The following SPHKAP variants were observed in gnomAD, a reference collection of about 807,000 sequenced individuals.
SPHKAP encodes the protein SPHK1 interactor, AKAP domain containing, also known as A-kinase anchor protein SPHKAP.
A neutral mutation model predicts 137.5 loss-of-function variants in SPHKAP; 67 were observed. The ratio of observed to expected loss-of-function variants is 0.49; its 90% CI spans 0.40 to 0.60. The LOEUF is 0.60. SPHKAP is among the 20% of genes least tolerant of loss of function. The probability of loss-of-function intolerance (pLI) is 0.00; values close to 1 mark genes in which losing one functional copy is unlikely to be tolerated. For missense variants in SPHKAP, 2,097 were observed against 2,069.3 expected (o/e 1.01, Z -0.26); for synonymous variants, 813 against 785.3 (o/e 1.04, Z -0.59).
intron 2 of SPHKAP, among the ~76,000 whole-genome samples, chr2:228,125,219 C>T (rs1221129853): frequency 2.0e-5 from 3 of 152,064 alleles, no homozygotes; most frequent in Non-Finnish European, 4.4e-5. Context: ...AAATAGCAAA[C>T]CTTCAGTCTA....
At chr2:228,124,533 C>G (rs1204836911) in intron 2 of SPHKAP, among the ~76,000 whole-genome samples, 2 of 140,166 alleles carry the variant, frequency 1.4e-5, no homozygotes. Flanking sequence ...AATTGAACAA[C>G]GAGAACACTT....
At position 228,092,112 on chromosome 2, in the gene SPHKAP, C is replaced by CGTATATGTATATATGTGT. The variant is rs1559168559; in HGVS notation, c.246+16719_246+16720insACACATATATACATATAC. ...ATGTGTGTATATATGTATATATACA[C>CGTATATGTATATATGTGT]ATATATACATATACGTATATGTGTG... On this transcript the variant is annotated intron_variant, in intron 3 of 11. Transcript: ENST00000392056. 3.7e-3 allele frequency among the ~76,000 whole-genome samples: 514 copies of CGTATATGTATATATGTGT among 138,438 alleles called. 7 individuals carry two copies. The highest frequency in any genetic ancestry group is 0.012 in the African/African-American group (454 of 37,098). 90.8% of individuals were successfully genotyped at this position (138,438 alleles called of 152,430 possible). A position where few individuals can be genotyped will look rare whatever the true frequency, so the allele number is the denominator to read the frequency against.
intron 6 of SPHKAP, among the ~76,000 whole-genome samples, chr2:228,021,268 G>A (rs946237650): frequency 1.3e-4 from 20 of 152,264 alleles, no homozygotes; most frequent in African/African-American, 4.1e-4. Flanking sequence ...AAACAAACTA[G>A]GCTAGGAAAG....
intron 3 of SPHKAP, among the ~76,000 whole-genome samples, chr2:228,094,553 T>C (rs1342804317): frequency 6.6e-6 from 1 of 152,228 alleles, no homozygotes; most frequent in Non-Finnish European, 1.5e-5. Context: ...CAGATGATTA[T>C]TGAAAGAGTG....
intron 1 of SPHKAP, among the ~76,000 whole-genome samples, chr2:228,168,191 A>AT (rs5839255): frequency 0.13 from 20,501 of 152,122 alleles, 1,396 homozygotes; most frequent in East Asian, 0.2. Context: ...ATAGACCATA[A>AT]TTTTATGAGC....
At chr2:228,114,230 A>G (rs1053413576) in intron 2 of SPHKAP, among the ~76,000 whole-genome samples, 2 of 152,168 alleles carry the variant, frequency 1.3e-5, no homozygotes, top group African/African-American at 4.8e-5. Context: ...TTCAAATTTC[A>G]TGAGTTCAGC....
intron 3 of SPHKAP, among the ~76,000 whole-genome samples, chr2:228,060,726 A>C (rs1359341509): frequency 6.6e-6 from 1 of 152,204 alleles, no homozygotes; most frequent in Admixed American, 6.5e-5. Flanking sequence ...GTTGGGTTCA[A>C]ATGGTGGTTT....
chr2:228,090,970 G>T (rs1315446988), intron 3 of SPHKAP, among the ~76,000 whole-genome samples: 1 of 152,102 alleles, frequency 6.6e-6, no homozygotes, highest in Admixed American at 6.6e-5. Flanking sequence ...TGACAGAAGA[G>T]CAGACTAATA....
At chr2:228,155,521 T>C (rs1234562500) in intron 1 of SPHKAP, among the ~76,000 whole-genome samples, 2 of 152,176 alleles carry the variant, frequency 1.3e-5, no homozygotes, top group Non-Finnish European at 2.9e-5. Flanking sequence ...AACTTTGACT[T>C]GCTCCTGGAA....
At chr2:228,031,311 G>C (rs956666108) in intron 3 of SPHKAP, among the ~76,000 whole-genome samples, 1 of 152,204 alleles carries the variant, frequency 6.6e-6, no homozygotes, top group African/African-American at 2.4e-5. Context: ...CAGCAGCGAG[G>C]CTGGGGGAGG....
At chr2:228,056,704 G>C (rs1696458657) in intron 3 of SPHKAP, among the ~76,000 whole-genome samples, 2 of 152,106 alleles carry the variant, frequency 1.3e-5, no homozygotes, top group South Asian at 4.1e-4. Flanking sequence ...TGTTTATAGA[G>C]TATTGGCAAA....
chr2:228,066,563 C>G (rs956894218), intron 3 of SPHKAP, among the ~76,000 whole-genome samples: 8 of 152,292 alleles, frequency 5.3e-5, no homozygotes, highest in Middle Eastern at 3.4e-3. Flanking sequence ...TGCAAAGTTC[C>G]CCTTCACCTT....
chr2:228,004,672 G>T (rs539451749), intron 7 of SPHKAP, among the ~76,000 whole-genome samples: 3 of 151,942 alleles, frequency 2.0e-5, no homozygotes, highest in Admixed American at 1.3e-4. Flanking sequence ...TAGGTCTTTC[G>T]TGCTTTCTCT....
intron 2 of SPHKAP, among the ~76,000 whole-genome samples, chr2:228,114,640 C>T (rs1049307264): frequency 3.3e-5 from 5 of 152,112 alleles, no homozygotes; most frequent in Admixed American, 6.6e-5. Context: ...GCAATTGATA[C>T]GTGGTTGCTA....
Position 228,143,061 on chromosome 2 carries a change from TA to T in SPHKAP, c.33-10977del, listed in dbSNP as rs200853145. Among the ~76,000 whole-genome samples the T allele has an allele frequency of 4.8e-3, 727 of 151,910 alleles. 6 individuals are homozygous for T. Among genetic ancestry groups the T allele is most frequent in the African/African-American group, 0.016 (678 of 41,406 alleles). Reference sequence around the variant, plus strand: ...AGATATTCAATTTGTTATTCTTAATTAAAAAAAACCCTAAACATTAGAAATA... The same window carrying T: ...AGATATTCAATTTGTTATTCTTAATTAAAAAAACCCTAAACATTAGAAATA... On this transcript the variant is annotated intron_variant, in intron 1 of 11. Transcript: ENST00000392056.
At chr2:228,162,952 G>C (rs932765054) in intron 1 of SPHKAP, among the ~76,000 whole-genome samples, 1 of 152,238 alleles carries the variant, frequency 6.6e-6, no homozygotes, top group Middle Eastern at 3.4e-3. Context: ...ATCCAGCTCG[G>C]CCTCCCAAAG....
intron 3 of SPHKAP, among the ~76,000 whole-genome samples, chr2:228,038,546 C>T (rs1463758983): frequency 6.6e-6 from 1 of 152,190 alleles, no homozygotes; most frequent in Non-Finnish European, 1.5e-5. Context: ...GCTCTTATTG[C>T]ATTCTCTGTA....
At chr2:227,999,592 T>C (rs1447029665) in intron 7 of SPHKAP, among the ~76,000 whole-genome samples, 1 of 152,226 alleles carries the variant, frequency 6.6e-6, no homozygotes, top group African/African-American at 2.4e-5. Context: ...AAGTTAAATC[T>C]CAGTGATTGA....
intron 1 of SPHKAP, among the ~76,000 whole-genome samples, chr2:228,140,317 A>G (rs1337985111): frequency 3.3e-5 from 5 of 151,978 alleles, no homozygotes. Context: ...CACACTATGT[A>G]TATGACCGCA....
Sources: allele counts gnomAD v4.1 joint callset (sites outside exome capture counted in the v4.1 genomes callset), GRCh38; gene constraint gnomAD v4.1.1; transcripts MANE v1.5; gene names NCBI Gene and HGNC (gene_info 2026-07-23, HGNC 2026-07-21).